Variants in TEF observed in about 807,000 individuals in gnomAD.
TEF encodes the protein thyrotroph embryonic factor.
Under a neutral mutation model 20.8 loss-of-function variants are expected in TEF, and 3 were observed. The ratio of observed to expected loss-of-function variants is 0.14; its 90% CI spans 0.07 to 0.37. The LOEUF (loss-of-function observed/expected upper bound fraction) is 0.37. TEF is among the 10% of genes least tolerant of loss of function. The pLI, the probability that TEF is intolerant of heterozygous loss-of-function variation, is 1.00. For synonymous variants in TEF, 180 were observed against 171.1 expected (o/e 1.05, Z -0.41); for missense variants, 296 against 397.9 (o/e 0.74, Z 2.18).
intron 1 of TEF, among the ~76,000 whole-genome samples, chr22:41,386,586 C>G (rs980035913): frequency 3.3e-5 from 5 of 151,586 alleles, no homozygotes; most frequent in African/African-American, 1.2e-4. Context: ...ACTAAAAATA[C>G]AAAAAATTAG....
At chr22:41,372,044 T>G (rs184325940) in intron 1 of TEF, among the ~76,000 whole-genome samples, 184 of 152,216 alleles carry the variant, frequency 1.2e-3, no homozygotes, top group African/African-American at 4.1e-3. Context: ...AGAGCAAAAC[T>G]GAGAAATCGA....
chr22:41,382,881 G>A (rs1601818921), intron 1 of TEF: 1 of 470,976 alleles, frequency 2.1e-6, no homozygotes, highest in Non-Finnish European at 4.4e-6. Context: ...GAGGCCCTTC[G>A]CCTGGTTGGT....
intron 2 of TEF, among the ~76,000 whole-genome samples, chr22:41,393,340 CAAAAA>C (rs34533572): frequency 7.8e-6 from 1 of 127,734 alleles, no homozygotes; most frequent in African/African-American, 3.1e-5. Flanking sequence ...GACCCTGTCT[CAAAAA>C]AAAAAAAAAA....
chr22:41,396,006 C>T lies in TEF; in HGVS notation c.*46C>T. ...GGGGTACTGCCTGCACCTCAGACCT[C>T]TGCCTGGGGGCTCCCTGTAACCCCT... is the stretch of plus-strand genomic sequence containing the variant. On this transcript the variant is annotated 3_prime_UTR_variant, in exon 4 of 4. Coordinates refer to ENST00000266304, the MANE Select transcript of TEF (RefSeq NM_003216.4). 6.3e-7 allele frequency: 1 copy of T among 1,577,440 alleles called. No homozygotes were observed.
chr22:41,378,438 C>T (rs1056498502), upstream of TEF, among the ~76,000 whole-genome samples: 1 of 150,982 alleles, frequency 6.6e-6, no homozygotes, highest in Non-Finnish European at 1.5e-5. Context: ...CTCCGCCTCC[C>T]GGGTTCACGC....
In TEF at chr22:41,397,868, A is replaced by G. The variant is rs1181602294; in HGVS notation, c.*1908A>G. On this transcript the variant is annotated 3_prime_UTR_variant, in exon 4 of 4. Transcript: ENST00000266304. ...ATTAGTGGAAGAGCCTTGAGCTTAA[A>G]AGCTCTTCATTTTCTTTGCCGGAAA... 2 of 152,168 alleles carry G rather than the reference A, an allele frequency of 1.3e-5. No homozygotes were observed. Among genetic ancestry groups the G allele is most frequent in the African/African-American group, 4.8e-5 (2 of 41,444 alleles). The allele number at this position is 152,168 out of a possible 1,614,324, so 9.4% of individuals were successfully genotyped here.
At chr22:41,376,517 C>T (rs1343782445) in intron 1 of TEF, among the ~76,000 whole-genome samples, 1 of 152,212 alleles carries the variant, frequency 6.6e-6, no homozygotes, top group African/African-American at 2.4e-5. Flanking sequence ...CTTGAGCCAT[C>T]GTGCCAGGCC....
rs2037240290 is a variant in TEF, at chr22:41,397,197, C to T, written c.*1237C>T. The T allele has an allele frequency of 5.0e-6, 2 of 398,274 alleles. No individual in the cohort carries two copies. Among genetic ancestry groups the T allele is most frequent in the Non-Finnish European group, 8.8e-6 (2 of 226,046 alleles). The allele number at this position is 398,274 out of a possible 1,614,324, so 24.7% of individuals were successfully genotyped here. A position where few individuals can be genotyped will look rare whatever the true frequency, so the allele number is the denominator to read the frequency against. Reference sequence around the variant, plus strand: ...GACTTTTACACAGGCCTAGGGTCCCCTCAGTCTTGGTCCCAGGAGATGGGG... The same window carrying T: ...GACTTTTACACAGGCCTAGGGTCCCTTCAGTCTTGGTCCCAGGAGATGGGG... On this transcript the variant is annotated 3_prime_UTR_variant, in exon 4 of 4. Transcript: ENST00000266304.
chr22:41,388,578 CAAAAA>C (rs10717641), intron 2 of TEF, among the ~76,000 whole-genome samples: 1 of 116,416 alleles, frequency 8.6e-6, no homozygotes, highest in Non-Finnish European at 1.8e-5. Flanking sequence ...GACGCCATCT[CAAAAA>C]AAAAAAAAAA....
intron 1 of TEF, chr22:41,369,102 G>GA: frequency 3.0e-6 from 3 of 985,398 alleles, no homozygotes; most frequent in Non-Finnish European, 3.6e-6. Context: ...GCACACACAT[G>GA]AAGGGCGAGG....
intron 1 of TEF, among the ~76,000 whole-genome samples, 169 bp downstream of exon 1, chr22:41,382,370 C>T (rs2037043120): frequency 1.3e-5 from 2 of 150,646 alleles, no homozygotes; most frequent in Non-Finnish European, 3.0e-5. Context: ...GGGCTGAGGA[C>T]AGAGGGTCAG....
In TEF at chr22:41,397,794, C is replaced by T. The variant is rs1169684222; in HGVS notation, c.*1834C>T. The T allele has an allele frequency of 2.6e-5, 4 of 152,256 alleles. No individual in the cohort carries two copies. The highest frequency in any genetic ancestry group is 5.9e-5 in the Non-Finnish European group (4 of 68,050). 9.4% of individuals were successfully genotyped at this position (152,256 alleles called of 1,614,324 possible). ...CCCGGGCAGCTCTCCCTCCCGGGCA[C>T]GCTCCCTCTGGCCTGGTGGATCACC... On this transcript the variant is annotated 3_prime_UTR_variant, in exon 4 of 4. Coordinates refer to ENST00000266304, the MANE Select transcript of TEF (RefSeq NM_003216.4).
intron 1 of TEF, among the ~76,000 whole-genome samples, chr22:41,383,534 C>T (rs193075731): frequency 1.1e-3 from 173 of 152,252 alleles, no homozygotes; most frequent in South Asian, 1.2e-3. Context: ...GGTATTCTCC[C>T]CTCTTCCCAG....
At chr22:41,376,791 T>C (rs1269153742) in intron 1 of TEF, among the ~76,000 whole-genome samples, 2 of 152,174 alleles carry the variant, frequency 1.3e-5, no homozygotes, top group African/African-American at 2.4e-5. Flanking sequence ...GCACTTGGCA[T>C]TGCACATCAC....
chr22:41,390,572 G>A (rs754217018), intron 2 of TEF, among the ~76,000 whole-genome samples: 1 of 142,534 alleles, frequency 7.0e-6, no homozygotes, highest in Non-Finnish European at 1.5e-5. Flanking sequence ...GTGCGATCTC[G>A]GCTCCCGCAA....
chr22:41,393,332 C>A (rs1569258158), intron 2 of TEF, among the ~76,000 whole-genome samples: 1 of 129,460 alleles, frequency 7.7e-6, no homozygotes, highest in East Asian at 2.1e-4. Context: ...CAGAGCAAGA[C>A]CCTGTCTCAA....
intron 1 of TEF, among the ~76,000 whole-genome samples, chr22:41,373,478 C>CT (rs562817388): frequency 0.023 from 3,451 of 148,722 alleles, 95 homozygotes; most frequent in African/African-American, 0.068. Flanking sequence ...GTATATTTTT[C>CT]TTTTTTTTTT....
At chr22:41,369,932 C>A (rs1456273717) in intron 1 of TEF, 5 of 985,284 alleles carry the variant, frequency 5.1e-6, no homozygotes, top group Non-Finnish European at 6.0e-6. Context: ...CCCATTTTCT[C>A]TTCTTTCTCC....
At chr22:41,382,554 A>G (rs550733350) in intron 1 of TEF, among the ~76,000 whole-genome samples, 21 of 152,186 alleles carry the variant, frequency 1.4e-4, no homozygotes, top group African/African-American at 4.6e-4. Flanking sequence ...GCCCCACCCA[A>G]TCTGCGGTCA....
Sources: gnomAD v4.1 joint callset for allele counts (sites outside exome capture counted in the v4.1 genomes callset) on GRCh38, gnomAD v4.1.1 for gene constraint, MANE v1.5 for transcripts, NCBI Gene and HGNC (gene_info 2026-07-23, HGNC 2026-07-21) for gene names.